The following ARHGEF11 variants were observed in gnomAD, a reference collection of about 807,000 sequenced individuals.
ARHGEF11 encodes the protein Rho guanine nucleotide exchange factor 11.
A neutral mutation model predicts 193.7 loss-of-function variants in ARHGEF11; 55 were observed. That is an observed-to-expected ratio of 0.28 (90% confidence interval 0.23 to 0.36). ARHGEF11 has a LOEUF of 0.36. Ranked by LOEUF, ARHGEF11 falls within the 10% of genes least tolerant of loss-of-function variation. The pLI, the probability that ARHGEF11 is intolerant of heterozygous loss-of-function variation, is 1.00. For missense variants in ARHGEF11, 1,723 were observed against 2,005.6 expected, an observed-to-expected ratio of 0.86 and a Z score of 2.69; for synonymous variants, 693 against 768.0, an observed-to-expected ratio of 0.90 and a Z score of 1.62.
At position 157,015,498 on chromosome 1, in the gene ARHGEF11, CCTAA is replaced by C. The variant is rs1477035031; in HGVS notation, c.32+28797_32+28800del. ...CTGGCTGGGTTATCTTTACCCTGCTCCTAACTCACAGGGCACATCGCCATCACTG... is the reference window on the plus strand; with the variant it reads ...CTGGCTGGGTTATCTTTACCCTGCTCCTCACAGGGCACATCGCCATCACTG... On this transcript the variant is annotated intron_variant, in intron 1 of 40. Coordinates refer to ENST00000368194, the MANE Select transcript of ARHGEF11 (RefSeq NM_198236.3). Among the ~76,000 whole-genome samples the C allele has an allele frequency of 5.3e-5, 8 of 152,226 alleles. No homozygotes were observed. The South Asian group carries it at 8.3e-4, about 16-fold the overall frequency.
In ARHGEF11 at chr1:156,968,072, C is replaced by T. The variant is rs1489353025; in HGVS notation, c.878G>A (p.Arg293Gln). Residue 293 changes from arginine (R) to glutamine (Q), a missense_variant, in exon 11 of 41, where the codon CGA (arginine) becomes CAA (glutamine). Physicochemically the swap from Arg to Gln is conservative, Grantham distance 43. Coordinates refer to ENST00000368194, the MANE Select transcript of ARHGEF11 (RefSeq NM_198236.3). ...VLSDPGLDSP[R>Q]TSPVIMARVA... is the part of the protein sequence containing the mutation. ...CCTGGCCATGATCACAGGGGAGGTTCGAGGACTGTCTAGCCCAGGGTCTGA... is the reference window on the plus strand; with the variant it reads ...CCTGGCCATGATCACAGGGGAGGTTTGAGGACTGTCTAGCCCAGGGTCTGA... 12 of 1,614,048 alleles carry T rather than the reference C, an allele frequency of 7.4e-6. No individual in the cohort carries two copies. Among genetic ancestry groups the T allele is most frequent in the East Asian group, 2.2e-5 (1 of 44,904 alleles).
At chr1:157,046,152 C>T (rs1465046851), upstream of ARHGEF11, among the ~76,000 whole-genome samples, 1 of 150,958 alleles carries the variant, frequency 6.6e-6, no homozygotes. Flanking sequence ...TAGCGGGTTC[C>T]CATCTCAGCC....
intron 5 of ARHGEF11, 62 bp downstream of exon 5, chr1:156,979,164 CCCT>C (rs3831270): frequency 0.21 from 315,355 of 1,512,952 alleles, 35,544 homozygotes; most frequent in East Asian, 0.42. Context: ...GACCTTTCCT[CCCT>C]CCTTTCCTCC....
Position 156,948,618 on chromosome 1 carries a change from C to T in ARHGEF11, c.1926-120G>A. 2 of 1,591,864 alleles carry T rather than the reference C, an allele frequency of 1.3e-6. No individual in the cohort carries two copies. Among genetic ancestry groups the T allele is most frequent in the Non-Finnish European group, 1.7e-6 (2 of 1,171,702 alleles). The stretch of plus-strand genomic sequence containing the variant: ...TGCCTCCGTGCCACAGGTTCTCCTC[C>T]TGAACATGGCCAAAGCAGCTGGATG... On this transcript the variant is annotated intron_variant, in intron 22 of 40. Transcript: ENST00000368194. This position sits in a 1 kb window ranked among gnomAD's most constrained non-coding sequence, Gnocchi z 4.2.
Position 156,945,190 on chromosome 1 carries a change from G to T in ARHGEF11, c.2820C>A (p.Thr940=). ...ESIIKHTEGG[T]SEHEKLCRAR... is the part of the protein sequence containing the mutation. Reference sequence around the variant, plus strand: ...CCCGGCACAGCTTCTCATGCTCAGAGGTGCCACCTACCAAAATGGACAGAA... The same window carrying T: ...CCCGGCACAGCTTCTCATGCTCAGATGTGCCACCTACCAAAATGGACAGAA... Residue 940 remains threonine, a synonymous_variant, in exon 30 of 41, where the codon ACC becomes ACA. Coordinates refer to ENST00000368194, the MANE Select transcript of ARHGEF11 (RefSeq NM_198236.3). 6.2e-7 allele frequency: 1 copy of T among 1,613,680 alleles called. No homozygotes were observed. The highest frequency in any genetic ancestry group is 8.5e-7 in the Non-Finnish European group (1 of 1,179,766).
intron 7 of ARHGEF11, among the ~76,000 whole-genome samples, chr1:156,974,056 C>A (rs1662909993): frequency 6.6e-6 from 1 of 151,956 alleles, no homozygotes; most frequent in Admixed American, 6.6e-5. Context: ...AGACTCACTG[C>A]ATTTTTTCTT....
intron 35 of ARHGEF11, among the ~76,000 whole-genome samples, chr1:156,940,744 G>C (rs1656672706): frequency 6.6e-6 from 1 of 152,182 alleles, no homozygotes; most frequent in Admixed American, 6.5e-5. Context: ...ATGGGGCTAG[G>C]GGCTGGACAG....
intron 17 of ARHGEF11, 85 bp from the exon 18 acceptor site, chr1:156,957,900 T>G (rs1316730854): frequency 2.9e-6 from 4 of 1,377,270 alleles, no homozygotes; most frequent in Admixed American, 3.4e-5. Flanking sequence ...GGGTAAGTTT[T>G]TCCTAGATGA....
At chr1:157,023,610 A>T (rs1308362113) in intron 1 of ARHGEF11, among the ~76,000 whole-genome samples, 2 of 152,148 alleles carry the variant, frequency 1.3e-5, no homozygotes, top group Admixed American at 1.3e-4. Context: ...TACTAAAAAT[A>T]CAAAAATTAG....
At chr1:157,035,990 T>C (rs1408536321) in intron 1 of ARHGEF11, among the ~76,000 whole-genome samples, 3 of 105,440 alleles carry the variant, frequency 2.8e-5, no homozygotes, top group African/African-American at 1.1e-4. Context: ...TATATATATA[T>C]GAATCTATAT....
intron 1 of ARHGEF11, among the ~76,000 whole-genome samples, chr1:157,029,189 A>G (rs989712421): frequency 1.3e-5 from 2 of 150,830 alleles, no homozygotes; most frequent in Admixed American, 1.3e-4. Context: ...AAAAAAAAAG[A>G]AAGATATGAA....
chr1:156,951,766 T>C (rs1659142201), intron 21 of ARHGEF11, 67 bp from the exon 22 acceptor site: 2 of 1,599,638 alleles, frequency 1.3e-6, no homozygotes, highest in Admixed American at 3.4e-5. Flanking sequence ...AGGCTTGGAC[T>C]TCCCCAGATC....
intron 1 of ARHGEF11, among the ~76,000 whole-genome samples, chr1:157,017,063 A>G: frequency 6.6e-6 from 1 of 152,226 alleles, no homozygotes; most frequent in East Asian, 1.9e-4. Flanking sequence ...CTATTGATAA[A>G]GATGTATTCC....
At chr1:156,973,449 G>A (rs908929884) in intron 7 of ARHGEF11, among the ~76,000 whole-genome samples, 1 of 152,186 alleles carries the variant, frequency 6.6e-6, no homozygotes, top group East Asian at 1.9e-4. Context: ...TCTCCTCTCT[G>A]TACTGGTGTT....
At chr1:157,016,235 T>C (rs115424772) in intron 1 of ARHGEF11, among the ~76,000 whole-genome samples, 5,384 of 152,242 alleles carry the variant, frequency 0.035, 120 homozygotes, top group African/African-American at 0.056. Context: ...ATTTATTTTA[T>C]CTTTTTATTT....
chr1:157,038,570 G>A (rs930363113), intron 1 of ARHGEF11, among the ~76,000 whole-genome samples: 1 of 152,192 alleles, frequency 6.6e-6, no homozygotes, highest in African/African-American at 2.4e-5. Flanking sequence ...CTGAAAATGG[G>A]AGAGGCCTTC....
intron 18 of ARHGEF11, 150 bp downstream of exon 18, chr1:156,957,642 A>G: frequency 1.2e-6 from 1 of 812,052 alleles, no homozygotes; most frequent in Non-Finnish European, 2.1e-6. Context: ...TCATACAGAC[A>G]CCTGAGTGCT....
At chr1:156,963,851 G>A in intron 11 of ARHGEF11, 1 of 1,097,526 alleles carries the variant, frequency 9.1e-7, no homozygotes, top group Non-Finnish European at 1.2e-6. Context: ...TGGGAAGTAG[G>A]AGAAAATGCT....
At chr1:157,019,301 G>T (rs1388513224) in intron 1 of ARHGEF11, among the ~76,000 whole-genome samples, 1 of 152,108 alleles carries the variant, frequency 6.6e-6, no homozygotes, top group Non-Finnish European at 1.5e-5. Flanking sequence ...ATTATTATTA[G>T]TCATCAGGGA....
Sources: allele counts gnomAD v4.1 joint callset (sites outside exome capture counted in the v4.1 genomes callset), GRCh38; gene constraint gnomAD v4.1.1; non-coding constraint Gnocchi (gnomAD v3.1); transcripts MANE v1.5; gene names NCBI Gene and HGNC (gene_info 2026-07-23, HGNC 2026-07-21).